Variants in ERBB4 observed in about 807,000 individuals in gnomAD.
The protein encoded by ERBB4 is erb-b2 receptor tyrosine kinase 4, also known as receptor tyrosine-protein kinase erbB-4.
Under a neutral mutation model 158.0 loss-of-function variants are expected in ERBB4, and 42 were observed. That is an observed-to-expected ratio of 0.27 (90% CI 0.21 to 0.34). The LOEUF is 0.34. Ranked by LOEUF, ERBB4 falls within the 10% of genes least tolerant of loss-of-function variation. ERBB4 has a pLI of 1.00. For missense variants in ERBB4, 1,333 were observed against 1,624.1 expected, an observed-to-expected ratio of 0.82 and a Z score of 3.08; for synonymous variants, 583 against 558.7, an observed-to-expected ratio of 1.04 and a Z score of -0.61.
At chr2:212,084,031 T>C (rs1019886485) in intron 2 of ERBB4, among the ~76,000 whole-genome samples, 3 of 151,558 alleles carry the variant, frequency 2.0e-5, no homozygotes, top group African/African-American at 7.3e-5. Flanking sequence ...GTAGGGAATA[T>C]CATCTACACA....
chr2:212,500,980 G>GGA (rs545231585), intron 1 of ERBB4, among the ~76,000 whole-genome samples: 195 of 152,020 alleles, frequency 1.3e-3, no homozygotes, highest in African/African-American at 4.6e-3. Context: ...AGAAAAGGGG[G>GGA]AAATTCATAA....
intron 3 of ERBB4, among the ~76,000 whole-genome samples, chr2:211,903,805 T>G (rs2079302609): frequency 1.3e-5 from 2 of 151,706 alleles, no homozygotes; most frequent in African/African-American, 2.4e-5. Flanking sequence ...AAAAAGCACC[T>G]TTACTTAAAG....
intron 1 of ERBB4, among the ~76,000 whole-genome samples, chr2:212,248,761 G>T (rs1202759324): frequency 6.6e-6 from 1 of 151,902 alleles, no homozygotes; most frequent in Non-Finnish European, 1.5e-5. Flanking sequence ...AACTATTTCA[G>T]CTTTAGATTG....
intron 20 of ERBB4, among the ~76,000 whole-genome samples, chr2:211,459,225 T>C (rs148842220): frequency 4.7e-4 from 71 of 152,330 alleles, no homozygotes; most frequent in African/African-American, 1.5e-3. Context: ...ATGTAATTTA[T>C]AATCAATCTT....
At chr2:211,543,318 T>G (rs2066863130) in intron 20 of ERBB4, among the ~76,000 whole-genome samples, 1 of 152,160 alleles carries the variant, frequency 6.6e-6, no homozygotes, top group Non-Finnish European at 1.5e-5. Context: ...AATTCTCCCT[T>G]GCCTACAATC....
At chr2:212,056,582 G>A (rs1451866023) in intron 2 of ERBB4, among the ~76,000 whole-genome samples, 3 of 152,130 alleles carry the variant, frequency 2.0e-5, no homozygotes, top group Admixed American at 1.3e-4. Flanking sequence ...TGGATCTCTT[G>A]GCAGAAACTC....
At chr2:212,446,638 T>C (rs2092363076) in intron 1 of ERBB4, among the ~76,000 whole-genome samples, 1 of 98,678 alleles carries the variant, frequency 1.0e-5, no homozygotes, top group Admixed American at 1.1e-4. Context: ...TATATATATA[T>C]CCTATTAGTT....
chr2:212,250,498 G>A (rs2084489896), intron 1 of ERBB4, among the ~76,000 whole-genome samples: 1 of 151,816 alleles, frequency 6.6e-6, no homozygotes, highest in Non-Finnish European at 1.5e-5. Flanking sequence ...CTCTGTTCTA[G>A]ATAAATGAGA....
chr2:211,868,563 C>G (rs1483068942), intron 3 of ERBB4, among the ~76,000 whole-genome samples: 1 of 152,000 alleles, frequency 6.6e-6, no homozygotes, highest in Non-Finnish European at 1.5e-5. Flanking sequence ...CTTTGAAAAC[C>G]AATAAATAAC....
intron 19 of ERBB4, among the ~76,000 whole-genome samples, chr2:211,592,310 C>T (rs997134478): frequency 3.9e-5 from 6 of 152,052 alleles, no homozygotes; most frequent in Non-Finnish European, 7.4e-5. Context: ...AAGTTAAGTC[C>T]TTGAGGAAGG....
At chr2:212,473,122 A>G (rs1689198082) in intron 1 of ERBB4, among the ~76,000 whole-genome samples, 1 of 151,928 alleles carries the variant, frequency 6.6e-6, no homozygotes, top group South Asian at 2.1e-4. Context: ...GATGATGTTC[A>G]TTTTTGTTTT....
At chr2:212,192,431 C>A (rs1028427600) in intron 1 of ERBB4, among the ~76,000 whole-genome samples, 1 of 151,698 alleles carries the variant, frequency 6.6e-6, no homozygotes, top group Non-Finnish European at 1.5e-5. Flanking sequence ...ATACCATCAG[C>A]CCATGTATAT....
Position 212,295,148 on chromosome 2 carries a change from T to C in ERBB4, c.83-170245A>G, listed in dbSNP as rs551920088. On this transcript the variant is annotated intron_variant, in intron 1 of 27. Coordinates refer to ENST00000342788, the MANE Select transcript of ERBB4 (RefSeq NM_005235.3). ...ACAAGCAGGTCTTGCAAGTTGTCAA[T>C]TAAAAGTCTGATATATTGATGTCCT... is the stretch of plus-strand genomic sequence containing the variant. Among the ~76,000 whole-genome samples, 3 of 152,202 alleles carry C rather than the reference T, an allele frequency of 2.0e-5. No homozygotes were observed. In the South Asian group the frequency reaches 6.2e-4, roughly 32 times the overall value.
chr2:211,557,535 A>C (rs2067267916), intron 20 of ERBB4, among the ~76,000 whole-genome samples: 1 of 152,348 alleles, frequency 6.6e-6, no homozygotes, highest in Middle Eastern at 3.4e-3. Context: ...ACTGATCATT[A>C]GAGAAATGCA....
chr2:212,200,875 T>C (rs1031391920), intron 1 of ERBB4, among the ~76,000 whole-genome samples: 2 of 152,126 alleles, frequency 1.3e-5, no homozygotes, highest in African/African-American at 4.8e-5. Context: ...TACCTATAAT[T>C]AGAAAGTGTT....
At chr2:211,621,775 CT>C (rs949054347) in intron 18 of ERBB4, among the ~76,000 whole-genome samples, 4 of 152,084 alleles carry the variant, frequency 2.6e-5, no homozygotes, top group Non-Finnish European at 4.4e-5. Flanking sequence ...CCATTTATCT[CT>C]TTTTTTCTCC....
chr2:211,722,609 GAGA>G (rs2074139615), intron 6 of ERBB4, 75 bp from the exon 7 acceptor site: 6 of 1,437,398 alleles, frequency 4.2e-6, no homozygotes, highest in Non-Finnish European at 4.9e-6. Context: ...GCCAAAACAG[GAGA>G]AGTTTTTTTC....
At chr2:212,332,995 A>C (rs1244286898) in intron 1 of ERBB4, among the ~76,000 whole-genome samples, 1 of 152,058 alleles carries the variant, frequency 6.6e-6, no homozygotes, top group East Asian at 1.9e-4. Flanking sequence ...TCAGAAATGG[A>C]ACTAAGATCA....
rs539762759 is a variant in ERBB4, at chr2:212,044,639, C to G, written c.234+80113G>C. On this transcript the variant is annotated intron_variant, in intron 2 of 27. Coordinates refer to ENST00000342788, the MANE Select transcript of ERBB4 (RefSeq NM_005235.3). Reference sequence around the variant, plus strand: ...CTGAAGACTGTATAAATTCTCAACTCCTAATCATAAAACTTTTGATGTTAG... The same window carrying G: ...CTGAAGACTGTATAAATTCTCAACTGCTAATCATAAAACTTTTGATGTTAG... Among the ~76,000 whole-genome samples, 5 of 152,196 alleles carry G rather than the reference C, an allele frequency of 3.3e-5. No individual in the cohort carries two copies. In the South Asian group the frequency reaches 1.0e-3, roughly 32 times the overall value.
Sources: gnomAD v4.1 joint callset for allele counts (sites outside exome capture counted in the v4.1 genomes callset) on GRCh38, gnomAD v4.1.1 for gene constraint, MANE v1.5 for transcripts, NCBI Gene and HGNC (gene_info 2026-07-23, HGNC 2026-07-21) for gene names.